The following MAGI2 variants were observed in gnomAD, a reference collection of about 807,000 sequenced individuals.
MAGI2 encodes membrane associated guanylate kinase, WW and PDZ domain containing 2, also known as membrane-associated guanylate kinase, WW and PDZ domain-containing protein 2.
A neutral mutation model predicts 133.3 loss-of-function variants in MAGI2; 35 were observed. The ratio of observed to expected loss-of-function variants is 0.26; its 90% confidence interval spans 0.20 to 0.35. MAGI2 has a LOEUF of 0.35. Ranked by LOEUF, MAGI2 falls within the 10% of genes least tolerant of loss-of-function variation. The probability of loss-of-function intolerance (pLI) is 1.00; values close to 1 mark genes in which losing one functional copy is unlikely to be tolerated. For missense variants in MAGI2, 1,636 were observed against 1,863.4 expected (o/e 0.88, Z 2.25); for synonymous variants, 729 against 710.6 (o/e 1.03, Z -0.41).
intron 5 of MAGI2, among the ~76,000 whole-genome samples, chr7:78,497,387 A>G (rs140889652): frequency 1.9e-3 from 288 of 152,296 alleles, no homozygotes; most frequent in Middle Eastern, 6.8e-3. Flanking sequence ...GCTTTTATCA[A>G]TCATCAAAAG....
chr7:78,634,823 CCTT>C (rs1584917914), intron 2 of MAGI2, among the ~76,000 whole-genome samples: 1 of 152,066 alleles, frequency 6.6e-6, no homozygotes, highest in East Asian at 1.9e-4. Context: ...CTGAAGCTCA[CCTT>C]CTTTTATTGC....
intron 3 of MAGI2, among the ~76,000 whole-genome samples, chr7:78,587,154 A>G (rs1286873910): frequency 2.6e-5 from 4 of 152,326 alleles, no homozygotes; most frequent in East Asian, 1.9e-4. Context: ...AGGAACCACT[A>G]TACTGTTTTC....
At chr7:78,248,154 A>C (rs1791997130) in intron 10 of MAGI2, among the ~76,000 whole-genome samples, 1 of 152,194 alleles carries the variant, frequency 6.6e-6, no homozygotes, top group Non-Finnish European at 1.5e-5. Flanking sequence ...CCTGGAGTCT[A>C]AGAAAGAAGG....
Position 78,019,835 on chromosome 7 carries a change from C to T in MAGI2, c.3848G>A (p.Gly1283Asp). ...PSDPSHQISPGPTWDIKREHD... is the reference protein window; with the variant it reads ...PSDPSHQISPDPTWDIKREHD... Reference sequence around the variant, plus strand: ...TTCCCGTTTGATATCCCAAGTTGGGCCTGGGCTTATCTGGTGGGAAGGGTC... The same window carrying T: ...TTCCCGTTTGATATCCCAAGTTGGGTCTGGGCTTATCTGGTGGGAAGGGTC... Residue 1283 changes from glycine (G) to aspartate (D), a missense_variant, in exon 22 of 22, where the codon GGC becomes GAC. Around this residue, in one of 5 missense-constraint regions of MAGI2, gnomAD observed 354 missense variants for 298.7 expected, o/e 1.19. Coordinates refer to ENST00000354212, the MANE Select transcript of MAGI2 (RefSeq NM_012301.4). The T allele has an allele frequency of 6.2e-7, 1 of 1,613,582 alleles. No homozygotes were observed. Among genetic ancestry groups the T allele is most frequent in the South Asian group, 1.1e-5 (1 of 91,060 alleles).
At chr7:78,948,365 G>C (rs1041975958) in intron 2 of MAGI2, among the ~76,000 whole-genome samples, 4 of 150,462 alleles carry the variant, frequency 2.7e-5, no homozygotes, top group Admixed American at 6.6e-5. Context: ...TGATTAGAGA[G>C]GATTGACTTG....
intron 7 of MAGI2, among the ~76,000 whole-genome samples, chr7:78,363,052 A>G (rs1008421158): frequency 2.6e-5 from 4 of 152,212 alleles, no homozygotes; most frequent in Non-Finnish European, 5.9e-5. Flanking sequence ...AATGCCTTAC[A>G]CATTGGTATA....
At chr7:79,171,536 T>A (rs1160108534) in intron 1 of MAGI2, among the ~76,000 whole-genome samples, 1 of 151,236 alleles carries the variant, frequency 6.6e-6, no homozygotes, top group Non-Finnish European at 1.5e-5. Flanking sequence ...GGAAATTATA[T>A]CCCCTCAAAA....
chr7:79,077,583 AAAAAAAAAAAAATAAATAAAT>A lies in MAGI2; in HGVS notation c.302-70398_302-70378del, dbSNP rs1361398501. 2.8e-4 allele frequency among the ~76,000 whole-genome samples: 38 copies of A among 134,710 alleles called. 2 individuals are homozygous for A. The highest frequency in any genetic ancestry group is 9.1e-4 in the African/African-American group (33 of 36,366). The allele number at this position is 134,710 out of a possible 152,430, so 88.4% of individuals were successfully genotyped here. A position where few individuals can be genotyped will look rare whatever the true frequency, so the allele number is the denominator to read the frequency against. On this transcript the variant is annotated intron_variant, in intron 1 of 21. Transcript: ENST00000354212. ...GAGCGAGACTGCCTCTCAAAAAAAA[AAAAAAAAAAAAATAAATAAAT>A]AAATAAATTCCCTTTTGCTTAACTA...
At chr7:78,713,745 A>T (rs999965987) in intron 2 of MAGI2, among the ~76,000 whole-genome samples, 1 of 152,172 alleles carries the variant, frequency 6.6e-6, no homozygotes, top group African/African-American at 2.4e-5. Context: ...AGGAGGTACT[A>T]TGTTGATTCA....
intron 2 of MAGI2, among the ~76,000 whole-genome samples, chr7:78,961,364 A>T (rs925879571): frequency 2.0e-5 from 3 of 152,050 alleles, no homozygotes; most frequent in Admixed American, 1.3e-4. Flanking sequence ...CACCATCTGG[A>T]GAAGGAAATT....
intron 21 of MAGI2, among the ~76,000 whole-genome samples, chr7:78,076,365 T>A (rs369509672): frequency 1.2e-4 from 18 of 145,704 alleles, no homozygotes; most frequent in African/African-American, 4.1e-4. Flanking sequence ...AGGCTGAGGC[T>A]GAAGAATCGC....
chr7:78,951,649 G>C (rs1172453105), intron 2 of MAGI2, among the ~76,000 whole-genome samples: 4 of 152,242 alleles, frequency 2.6e-5, no homozygotes, highest in African/African-American at 9.6e-5. Flanking sequence ...TCAATTGCCT[G>C]TTTTTTAAGA....
intron 1 of MAGI2, among the ~76,000 whole-genome samples, chr7:79,141,099 C>G (rs1304716292): frequency 1.3e-5 from 2 of 152,148 alleles, no homozygotes; most frequent in Non-Finnish European, 2.9e-5. Context: ...CTACATTTAT[C>G]AAATTAAAAC....
intron 1 of MAGI2, among the ~76,000 whole-genome samples, chr7:79,321,275 C>A (rs1373691189): frequency 6.6e-6 from 1 of 152,108 alleles, no homozygotes; most frequent in Non-Finnish European, 1.5e-5. Context: ...TGTTTGACCA[C>A]TAGGGCCTTG....
intron 2 of MAGI2, among the ~76,000 whole-genome samples, chr7:78,873,235 T>C (rs1795171058): frequency 6.6e-6 from 1 of 152,202 alleles, no homozygotes; most frequent in Non-Finnish European, 1.5e-5. Flanking sequence ...GGCTCCCCTA[T>C]GAAATACTAT....
At chr7:78,297,101 G>C (rs1489800553) in intron 9 of MAGI2, among the ~76,000 whole-genome samples, 4 of 152,216 alleles carry the variant, frequency 2.6e-5, no homozygotes, top group Admixed American at 6.5e-5. Flanking sequence ...GCTATGTAAG[G>C]TGGTGGAGTA....
chr7:79,253,354 C>A (rs910334130), intron 1 of MAGI2, among the ~76,000 whole-genome samples: 4 of 152,180 alleles, frequency 2.6e-5, no homozygotes, highest in Non-Finnish European at 5.9e-5. Context: ...TAAAATCTGA[C>A]ACTGTTGGCC....
At chr7:78,689,316 C>T (rs1816704919) in intron 2 of MAGI2, among the ~76,000 whole-genome samples, 1 of 152,068 alleles carries the variant, frequency 6.6e-6, no homozygotes, top group Non-Finnish European at 1.5e-5. Flanking sequence ...CTGTAATATT[C>T]TCAAAACTCA....
At chr7:78,246,474 G>A (rs573540401) in intron 10 of MAGI2, among the ~76,000 whole-genome samples, 4 of 152,246 alleles carry the variant, frequency 2.6e-5, no homozygotes, top group Admixed American at 6.5e-5. Context: ...GTTGGGCTGA[G>A]ACACCCTGGC....
Sources: gnomAD v4.1 joint callset for allele counts (sites outside exome capture counted in the v4.1 genomes callset) on GRCh38, gnomAD v4.1.1 for gene constraint, gnomAD v4.1.1 regional missense constraint, MANE v1.5 for transcripts, NCBI Gene and HGNC (gene_info 2026-07-23, HGNC 2026-07-21) for gene names.